Variants in UTRN observed in about 807,000 individuals in gnomAD.
UTRN encodes utrophin, also known as dystrophin-related protein 1.
In UTRN, 283 loss-of-function variants were observed where a neutral mutation model predicts 463.9. That is an observed-to-expected ratio of 0.61 (90% CI 0.55 to 0.67). The LOEUF (loss-of-function observed/expected upper bound fraction) is 0.67, where lower values mean the gene tolerates loss of function less well. Ranked by LOEUF, UTRN falls within the 30% of genes least tolerant of loss-of-function variation. The probability of loss-of-function intolerance (pLI) is 0.00; values close to 1 mark genes in which losing one functional copy is unlikely to be tolerated. For missense variants in UTRN, 3,922 were observed against 4,084.3 expected, an observed-to-expected ratio of 0.96 and a Z score of 1.08; for synonymous variants, 1,442 against 1,431.5, an observed-to-expected ratio of 1.01 and a Z score of -0.17.
At chr6:144,706,642 A>G (rs1785130446) in intron 53 of UTRN, 1 of 152,184 alleles carries the variant, frequency 6.6e-6, no homozygotes, top group Admixed American at 6.5e-5. Flanking sequence ...CATTTCAAGT[A>G]TGTCATCATA....
At position 144,439,401 on chromosome 6, in the gene UTRN, G is replaced by T. The variant is rs557287419; in HGVS notation, c.1392+506G>T. Among the ~76,000 whole-genome samples, 1,787 of 152,226 alleles carry T rather than the reference G, an allele frequency of 0.012. 62 individuals carry two copies. In the East Asian group the frequency reaches 0.13, roughly 11 times the overall value. The stretch of plus-strand genomic sequence containing the variant: ...CTTTTATTGATCAGTGAAACATTGA[G>T]GTAACTAATATGTAAAACTTTAGGA... On this transcript the variant is annotated intron_variant, in intron 12 of 74. Transcript: ENST00000367545.
At chr6:144,407,244 A>G (rs1223557845) in intron 3 of UTRN, among the ~76,000 whole-genome samples, 1 of 152,128 alleles carries the variant, frequency 6.6e-6, no homozygotes, top group Non-Finnish European at 1.5e-5. Flanking sequence ...GGTATCCAGT[A>G]AACTATTTGT....
intron 46 of UTRN, among the ~76,000 whole-genome samples, chr6:144,544,260 A>C (rs1449080338): frequency 1.3e-5 from 2 of 152,192 alleles, no homozygotes. Context: ...TCTTTTTAAC[A>C]TTTTATTTAG....
Position 144,403,168 on chromosome 6 carries a change from A to G in UTRN, c.125A>G (p.Asn42Ser). 1 of 1,613,568 alleles carries G rather than the reference A, an allele frequency of 6.2e-7. No individual in the cohort carries two copies. The highest frequency in any genetic ancestry group is 8.5e-7 in the Non-Finnish European group (1 of 1,179,708). Residue 42 changes from asparagine (N) to serine (S), a missense_variant, in exon 3 of 75, where the codon AAT (asparagine) becomes AGT (serine). Physicochemically the swap from Asn to Ser is conservative, Grantham distance 46. Around this residue, in one of 3 missense-constraint regions of UTRN, gnomAD observed 264 missense variants for 327.9 expected, o/e 0.81. Coordinates refer to ENST00000367545, the MANE Select transcript of UTRN (RefSeq NM_007124.3). ...AAGAAAACCTTTACCAAATGGATAA[A>G]TGCTCGATTTTCAAAGGTAACTGAG... ...VQKKTFTKWI[N>S]ARFSKSGKPP...
chr6:144,626,447 C>T (rs1443013894), intron 51 of UTRN, among the ~76,000 whole-genome samples: 2 of 152,190 alleles, frequency 1.3e-5, no homozygotes, highest in East Asian at 1.9e-4. Context: ...AACGTGAATC[C>T]GCTTTCCTCC....
At position 144,499,331 on chromosome 6, in the gene UTRN, C is replaced by T; in HGVS notation, c.4668C>T (p.Leu1556=). ...ARKMKKEAAS[L]SEWLSATETE... ...AAATGAAGAAAGAGGCTGCTTCTCTCTCTGAATGGCTTTCTGCTACTGAAA... is the reference window on the plus strand; with the variant it reads ...AAATGAAGAAAGAGGCTGCTTCTCTTTCTGAATGGCTTTCTGCTACTGAAA... The change falls in exon 34 of 75, where the codon CTC becomes CTT. Residue 1556 remains leucine (L), a synonymous_variant. Transcript: ENST00000367545. 1.2e-6 allele frequency: 2 copies of T among 1,613,936 alleles called. No homozygotes were observed. Among genetic ancestry groups the T allele is most frequent in the South Asian group, 1.1e-5 (1 of 91,030 alleles).
At chr6:144,691,852 ATTTT>A (rs1204033438) in intron 52 of UTRN, among the ~76,000 whole-genome samples, 1 of 151,976 alleles carries the variant, frequency 6.6e-6, no homozygotes, top group African/African-American at 2.4e-5. Context: ...ATTTTATTTT[ATTTT>A]TTAATTATTT....
At position 144,610,154 on chromosome 6, in the gene UTRN, G is replaced by GAA. The variant is rs57813017; in HGVS notation, c.7479+32877_7479+32878dup. ...CAACAAAACTAAGAGATTCTTTTTT[G>GAA]AAAAAAAAAAAATCAACAGACCATT... On this transcript the variant is annotated intron_variant, in intron 51 of 74. Coordinates refer to ENST00000367545, the MANE Select transcript of UTRN (RefSeq NM_007124.3). Among the ~76,000 whole-genome samples, 66 of 101,760 alleles carry GAA rather than the reference G, an allele frequency of 6.5e-4. 2 individuals are homozygous for GAA. The highest frequency in any genetic ancestry group is 1.2e-3 in the East Asian group (4 of 3,214). The allele number at this position is 101,760 out of a possible 152,430, so 66.8% of individuals were successfully genotyped here. A position where few individuals can be genotyped will look rare whatever the true frequency, so the allele number is the denominator to read the frequency against.
intron 43 of UTRN, among the ~76,000 whole-genome samples, chr6:144,533,946 A>T (rs2128603209): frequency 6.6e-6 from 1 of 152,056 alleles, no homozygotes; most frequent in East Asian, 1.9e-4. Context: ...GTCATTAATG[A>T]TCTTTTTTGT....
At chr6:144,376,419 C>T (rs936563292) in intron 2 of UTRN, among the ~76,000 whole-genome samples, 1 of 151,258 alleles carries the variant, frequency 6.6e-6, no homozygotes, top group Non-Finnish European at 1.5e-5. Flanking sequence ...CATGCCACTG[C>T]ACTCCAGCCT....
In UTRN at chr6:144,490,122, A is replaced by C; in HGVS notation, c.4186A>C (p.Arg1396=). The change falls in exon 31 of 75, where the codon AGA becomes CGA. Residue 1396 remains arginine, a synonymous_variant. Transcript: ENST00000367545. ...AHELTLEELR[R]NMRSQPLTSP... ...TGAGCTAACCCTAGAGGAGTTGAGA[A>C]GAAATATGCGTTCTCAGCCCCTGAC... 1.2e-6 allele frequency: 2 copies of C among 1,613,818 alleles called. No individual in the cohort carries two copies. The highest frequency in any genetic ancestry group is 8.5e-7 in the Non-Finnish European group (1 of 1,179,870).
chr6:144,712,841 A>G (rs1170637089), intron 53 of UTRN, among the ~76,000 whole-genome samples: 1 of 152,238 alleles, frequency 6.6e-6, no homozygotes, highest in Non-Finnish European at 1.5e-5. Flanking sequence ...CCTTGGAATA[A>G]GTAAGAAATC....
chr6:144,797,656 A>T (rs9376858), intron 63 of UTRN, 168 bp from the exon 64 acceptor site: 3 of 623,064 alleles, frequency 4.8e-6, no homozygotes, highest in East Asian at 6.5e-5. Context: ...TAAGTTCTAG[A>T]ATTTTCTTGA....
At chr6:144,745,984 A>T (rs767562936) in intron 54 of UTRN, among the ~76,000 whole-genome samples, 37 of 150,074 alleles carry the variant, frequency 2.5e-4, no homozygotes, top group Non-Finnish European at 4.0e-4. Flanking sequence ...AGTATTATAT[A>T]TTCATCATTT....
chr6:144,589,808 A>G (rs908990947), intron 51 of UTRN, among the ~76,000 whole-genome samples: 1 of 152,092 alleles, frequency 6.6e-6, no homozygotes, highest in African/African-American at 2.4e-5. Context: ...CATTTTGGAC[A>G]TAAGGAAACA....
At chr6:144,803,865 A>T (rs1777914605) in intron 65 of UTRN, among the ~76,000 whole-genome samples, 1 of 152,110 alleles carries the variant, frequency 6.6e-6, no homozygotes, top group African/African-American at 2.4e-5. Context: ...TCAGTCAATG[A>T]ATATGGGTAT....
At chr6:144,590,982 G>A (rs1803006799) in intron 51 of UTRN, among the ~76,000 whole-genome samples, 1 of 151,988 alleles carries the variant, frequency 6.6e-6, no homozygotes, top group Non-Finnish European at 1.5e-5. Context: ...TATGTGGGTT[G>A]GCTACTGTTG....
intron 2 of UTRN, among the ~76,000 whole-genome samples, chr6:144,342,008 G>GC (rs1439332633): frequency 6.6e-6 from 1 of 152,210 alleles, no homozygotes; most frequent in Non-Finnish European, 1.5e-5. Context: ...ACTAGGTGGT[G>GC]CCCACGCCTC....
At chr6:144,723,874 G>A (rs376695012) in intron 53 of UTRN, among the ~76,000 whole-genome samples, 21 of 151,784 alleles carry the variant, frequency 1.4e-4, no homozygotes, top group East Asian at 5.9e-4. Context: ...GCCAGGCATG[G>A]TGGTGCATGC....
Sources: gnomAD v4.1 joint callset for allele counts (sites outside exome capture counted in the v4.1 genomes callset) on GRCh38, gnomAD v4.1.1 for gene constraint, gnomAD v4.1.1 regional missense constraint, MANE v1.5 for transcripts, NCBI Gene and HGNC (gene_info 2026-07-23, HGNC 2026-07-21) for gene names.